Variants in HS6ST2 observed in about 807,000 individuals in gnomAD.
The protein encoded by HS6ST2 is heparan sulfate 6-O-sulfotransferase 2, also known as heparan-sulfate 6-O-sulfotransferase 2.
Under a neutral mutation model 33.0 loss-of-function variants are expected in HS6ST2, and 17 were observed. The ratio of observed to expected loss-of-function variants is 0.52; its 90% confidence interval spans 0.35 to 0.77. The LOEUF (loss-of-function observed/expected upper bound fraction) is 0.77. Ranked by LOEUF, HS6ST2 falls within the 30% of genes least tolerant of loss-of-function variation. The pLI is 0.01. For missense variants in HS6ST2, 519 were observed against 551.7 expected, an observed-to-expected ratio of 0.94 and a Z score of 0.59; for synonymous variants, 248 against 237.1, an observed-to-expected ratio of 1.05 and a Z score of -0.42.
intron 4 of HS6ST2, among the ~76,000 whole-genome samples, chrX:132,637,850 AATATATATATAATAT>A (rs1930276866): frequency 4.8e-5 from 2 of 41,423 alleles, no homozygotes; most frequent in African/African-American, 7.1e-4. Flanking sequence ...TTTTATATAT[AATATATATATAATAT>A]ATTATATATA....
chrX:132,950,899 T>C (rs1415423290), intron 2 of HS6ST2, among the ~76,000 whole-genome samples: 1 of 111,631 alleles, frequency 9.0e-6, no homozygotes, highest in Non-Finnish European at 1.9e-5. Context: ...AAGAGTCCCA[T>C]ATGTGAATTG....
chrX:132,919,307 T>A (rs1485935130), intron 2 of HS6ST2, among the ~76,000 whole-genome samples: 1 of 112,271 alleles, frequency 8.9e-6, no homozygotes, highest in Non-Finnish European at 1.9e-5. Context: ...ATTTTCAAAT[T>A]TCCTGTACCA....
intron 2 of HS6ST2, among the ~76,000 whole-genome samples, chrX:132,861,723 T>C (rs959220493): frequency 2.7e-5 from 3 of 112,492 alleles, no homozygotes; most frequent in African/African-American, 3.2e-5. Flanking sequence ...GTGTGAACTG[T>C]CTGTTCACGT....
chrX:132,828,280 A>G (rs2065545552), intron 2 of HS6ST2, among the ~76,000 whole-genome samples: 1 of 110,989 alleles, frequency 9.0e-6, no homozygotes, highest in African/African-American at 3.3e-5. Context: ...CACATGGTTC[A>G]GAACAGATGG....
rs902084243 is a variant in HS6ST2, at chrX:132,958,330, G to A, written c.273C>T (p.Ser91=). 8.3e-7 allele frequency: 1 copy of A among 1,197,932 alleles called. No homozygotes were observed. The highest frequency in any genetic ancestry group is 1.1e-6 in the Non-Finnish European group (1 of 893,478). ...AACAPLFALL[S]RGRRRRMHVL... is the part of the protein sequence containing the mutation. The stretch of plus-strand genomic sequence containing the variant: ...CGTGCATCCGCCTGCGGCGGCCCCG[G>A]GACAGCAGCGCGAAAAGCGGGGCGC... Residue 91 remains serine (S), a synonymous_variant, in exon 1 of 5, where the codon TCC becomes TCT. Transcript: ENST00000370833.
At chrX:132,736,826 T>C (rs2064514996) in intron 2 of HS6ST2, among the ~76,000 whole-genome samples, 1 of 111,740 alleles carries the variant, frequency 8.9e-6, no homozygotes, top group Non-Finnish European at 1.9e-5. Context: ...AAATACGAGA[T>C]TCCTCCTTGC....
intron 2 of HS6ST2, among the ~76,000 whole-genome samples, chrX:132,832,140 C>T (rs1445598660): frequency 2.7e-5 from 3 of 111,607 alleles, no homozygotes; most frequent in African/African-American, 9.8e-5. Flanking sequence ...TCATCTCCAA[C>T]CAGTACTTAA....
At chrX:132,661,049 C>T (rs772511543) in intron 4 of HS6ST2, among the ~76,000 whole-genome samples, 14 of 111,174 alleles carry the variant, frequency 1.3e-4, no homozygotes, top group South Asian at 1.1e-3. Context: ...AAGAACAGCA[C>T]GAGGAAACCG....
chrX:132,813,238 T>C (rs1215611025), intron 2 of HS6ST2, among the ~76,000 whole-genome samples: 3 of 111,906 alleles, frequency 2.7e-5, no homozygotes, highest in African/African-American at 9.8e-5. Flanking sequence ...GGGACATTTT[T>C]CAGTCTATCT....
chrX:132,654,675 G>A (rs906265556), intron 4 of HS6ST2, among the ~76,000 whole-genome samples: 23 of 112,115 alleles, frequency 2.1e-4, no homozygotes, highest in African/African-American at 7.1e-4. Context: ...TAAGAGAATA[G>A]GTGGTCTTTT....
chrX:132,807,843 G>C (rs993813063), intron 2 of HS6ST2, among the ~76,000 whole-genome samples: 8 of 112,110 alleles, frequency 7.1e-5, no homozygotes, highest in Non-Finnish European at 1.5e-4. Flanking sequence ...GGAGGGTCAT[G>C]TCACAGCTGA....
At chrX:132,807,482 G>A (rs1372411015) in intron 2 of HS6ST2, among the ~76,000 whole-genome samples, 1 of 104,335 alleles carries the variant, frequency 9.6e-6, no homozygotes, top group Non-Finnish European at 2.1e-5. Context: ...GATTAGTGCT[G>A]TCAGGGTAGG....
At chrX:132,926,116 A>AT (rs2066708035) in intron 2 of HS6ST2, among the ~76,000 whole-genome samples, 1 of 112,657 alleles carries the variant, frequency 8.9e-6, no homozygotes, top group African/African-American at 3.2e-5. Context: ...ACAATATTAA[A>AT]TTTTTTACTC....
chrX:132,646,491 AG>A (rs1427817632), intron 4 of HS6ST2, among the ~76,000 whole-genome samples: 10 of 104,229 alleles, frequency 9.6e-5, no homozygotes, highest in African/African-American at 3.6e-4. Context: ...CCATGATAGC[AG>A]CTCTGCACTC....
At chrX:132,952,577 G>A (rs1447172813) in intron 2 of HS6ST2, among the ~76,000 whole-genome samples, 1 of 111,025 alleles carries the variant, frequency 9.0e-6, no homozygotes, top group Non-Finnish European at 1.9e-5. Flanking sequence ...TCAAAATAGA[G>A]CCACCTTTTA....
At chrX:132,640,027 C>T (rs538366935) in intron 4 of HS6ST2, among the ~76,000 whole-genome samples, 1 of 111,668 alleles carries the variant, frequency 9.0e-6, no homozygotes, top group Admixed American at 9.5e-5. Context: ...GTACATAGTG[C>T]CCTTTTAGCC....
chrX:132,773,185 A>T (rs2064924504), intron 2 of HS6ST2, among the ~76,000 whole-genome samples: 1 of 100,537 alleles, frequency 9.9e-6, no homozygotes, highest in Non-Finnish European at 2.0e-5. Context: ...ATATTAATGC[A>T]TATTATAAAT....
chrX:132,799,613 A>G (rs1306351713), intron 2 of HS6ST2, among the ~76,000 whole-genome samples: 6 of 110,750 alleles, frequency 5.4e-5, no homozygotes, highest in African/African-American at 1.6e-4. Context: ...AACTCCTGGG[A>G]TCAAGCAATC....
At chrX:132,800,511 T>C (rs1246292451) in intron 2 of HS6ST2, among the ~76,000 whole-genome samples, 2 of 111,323 alleles carry the variant, frequency 1.8e-5, no homozygotes, top group Non-Finnish European at 3.8e-5. Context: ...CCTAAGCCCA[T>C]GGAAACATTG....
Sources: gnomAD v4.1 joint callset for allele counts (sites outside exome capture counted in the v4.1 genomes callset) on GRCh38, gnomAD v4.1.1 for gene constraint, MANE v1.5 for transcripts, NCBI Gene and HGNC (gene_info 2026-07-23, HGNC 2026-07-21) for gene names.